The following MAST4 variants were observed in gnomAD, a reference collection of about 807,000 sequenced individuals.
MAST4 encodes microtubule-associated serine/threonine-protein kinase 4.
A neutral mutation model predicts 162.7 loss-of-function variants in MAST4; 89 were observed. The ratio of observed to expected loss-of-function variants is 0.55; its 90% CI spans 0.46 to 0.65. The LOEUF is 0.65. MAST4 is among the 30% of genes least tolerant of loss of function. MAST4 has a pLI of 0.00. For missense variants in MAST4, 3,153 were observed against 3,374.0 expected, an observed-to-expected ratio of 0.93 and a Z score of 1.62; for synonymous variants, 1,479 against 1,361.1, an observed-to-expected ratio of 1.09 and a Z score of -1.91.
chr5:66,807,041 A>C (rs533876847), intron 3 of MAST4, among the ~76,000 whole-genome samples: 2 of 152,262 alleles, frequency 1.3e-5, no homozygotes, highest in African/African-American at 2.4e-5. Flanking sequence ...AAAGCTTTTA[A>C]TTTTTGTGGG....
At chr5:66,886,665 G>C (rs1180835338) in intron 3 of MAST4, among the ~76,000 whole-genome samples, 3 of 148,706 alleles carry the variant, frequency 2.0e-5, no homozygotes, top group African/African-American at 7.5e-5. Context: ...AATTCGTTAA[G>C]CATGCCAATC....
intron 1 of MAST4, among the ~76,000 whole-genome samples, chr5:66,658,867 A>T (rs1371698207): frequency 1.3e-5 from 2 of 152,096 alleles, no homozygotes; most frequent in Non-Finnish European, 2.9e-5. Context: ...ACAAAAAATT[A>T]AAGAATTAGC....
intron 10 of MAST4, among the ~76,000 whole-genome samples, chr5:67,108,279 T>C (rs2150891788): frequency 6.6e-6 from 1 of 152,208 alleles, no homozygotes; most frequent in East Asian, 1.9e-4. Context: ...CCTGAATTTA[T>C]AAACCAAAAA....
intron 4 of MAST4, among the ~76,000 whole-genome samples, chr5:67,025,448 AT>A (rs1208879410): frequency 6.6e-6 from 1 of 152,154 alleles, no homozygotes; most frequent in East Asian, 1.9e-4. Flanking sequence ...GAAAATAATA[AT>A]TTTTTTAAAC....
chr5:67,079,108 T>C (rs1015769747), intron 5 of MAST4, among the ~76,000 whole-genome samples: 101 of 150,332 alleles, frequency 6.7e-4, no homozygotes, highest in Middle Eastern at 7.0e-3. Flanking sequence ...AAAAGTGCAC[T>C]GTACTCAACT....
chr5:67,117,897 T>A (rs1767114285), intron 12 of MAST4, among the ~76,000 whole-genome samples: 1 of 152,180 alleles, frequency 6.6e-6, no homozygotes. Context: ...AGGGTAGTAC[T>A]TAAAGCTGGT....
chr5:66,875,533 T>G (rs903006005), intron 3 of MAST4, among the ~76,000 whole-genome samples: 1 of 152,214 alleles, frequency 6.6e-6, no homozygotes, highest in Admixed American at 6.5e-5. Context: ...TCTCATCAGG[T>G]TATTTTGAAG....
chr5:66,655,003 ATAGC>A (rs1746456861), intron 1 of MAST4, among the ~76,000 whole-genome samples: 1 of 152,064 alleles, frequency 6.6e-6, no homozygotes, highest in Non-Finnish European at 1.5e-5. Flanking sequence ...AATAATAATA[ATAGC>A]TAGTATTTAT....
At chr5:66,921,197 G>A (rs1363253095) in intron 4 of MAST4, among the ~76,000 whole-genome samples, 1 of 152,116 alleles carries the variant, frequency 6.6e-6, no homozygotes, top group Non-Finnish European at 1.5e-5. Context: ...ATCAACTAAG[G>A]TTATGTTAGA....
intron 3 of MAST4, among the ~76,000 whole-genome samples, chr5:66,886,854 G>A (rs987249772): frequency 1.3e-5 from 2 of 151,326 alleles, no homozygotes; most frequent in Non-Finnish European, 2.9e-5. Flanking sequence ...AAAAATAAGA[G>A]GCCACCTTAT....
intron 4 of MAST4, among the ~76,000 whole-genome samples, chr5:66,938,996 A>G (rs1743065738): frequency 6.6e-6 from 1 of 152,208 alleles, no homozygotes; most frequent in African/African-American, 2.4e-5. Flanking sequence ...CTAAAAGACA[A>G]AAACATGTGA....
chr5:66,986,198 G>C (rs1749473284), intron 4 of MAST4, among the ~76,000 whole-genome samples: 1 of 152,180 alleles, frequency 6.6e-6, no homozygotes, highest in African/African-American at 2.4e-5. Context: ...CCTTGCTGGG[G>C]AGGGCAGGGT....
intron 3 of MAST4, among the ~76,000 whole-genome samples, chr5:66,833,822 T>A (rs1365556013): frequency 6.6e-6 from 1 of 152,216 alleles, no homozygotes; most frequent in Non-Finnish European, 1.5e-5. Context: ...TGTAGGAGTA[T>A]GTTACACTGA....
intron 4 of MAST4, chr5:66,958,954 C>CT: frequency 2.7e-6 from 1 of 370,350 alleles, no homozygotes; most frequent in African/African-American, 2.2e-5. Context: ...GAGCGACTTT[C>CT]TTTAAAAAAA....
intron 1 of MAST4, among the ~76,000 whole-genome samples, chr5:66,629,316 T>C (rs1238478444): frequency 6.6e-6 from 1 of 152,132 alleles, no homozygotes; most frequent in Non-Finnish European, 1.5e-5. Context: ...TACTGCAAAC[T>C]AGAAGAGGTG....
chr5:66,754,434 C>T (rs1047848288), intron 1 of MAST4, among the ~76,000 whole-genome samples: 2 of 152,158 alleles, frequency 1.3e-5, no homozygotes, highest in Admixed American at 6.5e-5. Context: ...TTCAGTTTTT[C>T]AAAATACTAG....
intron 1 of MAST4, among the ~76,000 whole-genome samples, chr5:66,683,627 G>A (rs1282510486): frequency 2.6e-5 from 4 of 152,154 alleles, no homozygotes; most frequent in Admixed American, 2.6e-4. Flanking sequence ...AGATGTCCCT[G>A]AGCAGCCGTG....
At chr5:66,854,962 T>TG (rs1322270882) in intron 3 of MAST4, among the ~76,000 whole-genome samples, 1 of 152,190 alleles carries the variant, frequency 6.6e-6, no homozygotes, top group Non-Finnish European at 1.5e-5. Context: ...AATTCTGCCT[T>TG]GCTAGATTTG....
chr5:67,140,198 C>T (rs1770191235), intron 19 of MAST4, among the ~76,000 whole-genome samples: 2 of 152,122 alleles, frequency 1.3e-5, no homozygotes, highest in South Asian at 4.1e-4. Flanking sequence ...CACTAGGAGT[C>T]CAGAGATGTG....
Sources: allele counts gnomAD v4.1 joint callset (sites outside exome capture counted in the v4.1 genomes callset), GRCh38; gene constraint gnomAD v4.1.1; transcripts MANE v1.5; gene names NCBI Gene and HGNC (gene_info 2026-07-23, HGNC 2026-07-21).